Variants in ACSM3 observed in about 807,000 individuals in gnomAD.
ACSM3 encodes the protein acyl-coenzyme A synthetase ACSM3, mitochondrial.
In ACSM3, 61 loss-of-function variants were observed where a neutral mutation model predicts 74.1. The ratio of observed to expected loss-of-function variants is 0.82; its 90% CI spans 0.67 to 1.02. The LOEUF (loss-of-function observed/expected upper bound fraction) is 1.02, where lower values mean the gene tolerates loss of function less well. Among genes scored for constraint, ACSM3 ranks in the 50% least tolerant of loss-of-function variants. ACSM3 has a pLI of 0.00. For synonymous variants in ACSM3, 213 were observed against 241.5 expected (o/e 0.88, Z 1.09); for missense variants, 660 against 697.0 (o/e 0.95, Z 0.60).
chr16:20,675,043 T>G (rs1026444370), intron 1 of ACSM3, among the ~76,000 whole-genome samples: 5 of 152,120 alleles, frequency 3.3e-5, no homozygotes, highest in Non-Finnish European at 7.4e-5. Context: ...AGGAAGAGTT[T>G]GCTGGCAGAA....
At chr16:20,737,006 A>G in intron 1 of ACSM3, 1 of 1,613,990 alleles carries the variant, frequency 6.2e-7, no homozygotes, top group Non-Finnish European at 8.5e-7. Flanking sequence ...GCTCCTCAGT[A>G]TTCTCTGGTA....
At chr16:20,742,828 C>T (rs1427827124) in intron 1 of ACSM3, among the ~76,000 whole-genome samples, 8 of 135,632 alleles carry the variant, frequency 5.9e-5, no homozygotes, top group South Asian at 2.4e-4. Flanking sequence ...TTTTTTTTCC[C>T]TTCTCCCCTT....
At chr16:20,754,018 C>T (rs1310758649) in intron 2 of ACSM3, among the ~76,000 whole-genome samples, 2 of 152,122 alleles carry the variant, frequency 1.3e-5, no homozygotes, top group East Asian at 1.9e-4. Flanking sequence ...GTGTCAAGTC[C>T]ACAGTGGAAA....
intron 1 of ACSM3, among the ~76,000 whole-genome samples, chr16:20,723,731 G>GT (rs1567324684): frequency 6.6e-6 from 1 of 152,114 alleles, no homozygotes; most frequent in Non-Finnish European, 1.5e-5. Flanking sequence ...TGATGGGGTT[G>GT]TTTTTTTCTT....
chr16:20,694,210 G>A (rs1208702863), intron 1 of ACSM3, among the ~76,000 whole-genome samples: 1 of 152,158 alleles, frequency 6.6e-6, no homozygotes, highest in African/African-American at 2.4e-5. Context: ...GACAAATACA[G>A]AATGTGAGGT....
intron 1 of ACSM3, chr16:20,737,936 G>T: frequency 6.3e-7 from 1 of 1,596,198 alleles, no homozygotes; most frequent in South Asian, 1.2e-5. Context: ...TGGAGAATAT[G>T]ATGCACCAAT....
At chr16:20,777,629 C>T (rs2080271966) in intron 4 of ACSM3, 49 bp downstream of exon 4, 1 of 1,501,358 alleles carries the variant, frequency 6.7e-7, no homozygotes, top group East Asian at 2.3e-5. Flanking sequence ...GGAAAGGCAA[C>T]AATAAAAAGA....
intron 9 of ACSM3, among the ~76,000 whole-genome samples, chr16:20,787,508 C>G (rs1596532928): frequency 6.6e-6 from 1 of 152,080 alleles, no homozygotes; most frequent in South Asian, 2.1e-4. Context: ...ATTCTCAGGC[C>G]CCTGGAGAGA....
intron 3 of ACSM3, among the ~76,000 whole-genome samples, chr16:20,776,793 A>C (rs1049085460): frequency 6.6e-6 from 1 of 152,224 alleles, no homozygotes; most frequent in Non-Finnish European, 1.5e-5. Context: ...TTCATCTTAC[A>C]GTGTAATATA....
intron 1 of ACSM3, chr16:20,729,185 C>G: frequency 2.9e-6 from 2 of 700,846 alleles, no homozygotes; most frequent in East Asian, 5.4e-5. Flanking sequence ...ATACCCATTT[C>G]TGTTCTGACC....
chr16:20,747,644 C>T (rs540356101), intron 1 of ACSM3, among the ~76,000 whole-genome samples: 5 of 152,284 alleles, frequency 3.3e-5, no homozygotes, highest in South Asian at 4.1e-4. Flanking sequence ...CTAGATCATC[C>T]GCCTGCTTCT....
chr16:20,734,867 CAG>C (rs1176417230), intron 1 of ACSM3: 1 of 152,200 alleles, frequency 6.6e-6, no homozygotes, highest in Non-Finnish European at 1.5e-5. Flanking sequence ...TCTCTTCCTT[CAG>C]AGACAAAATT....
At chr16:20,772,967 CAA>C (rs200907446) in intron 2 of ACSM3, among the ~76,000 whole-genome samples, 28 of 81,326 alleles carry the variant, frequency 3.4e-4, no homozygotes, top group Admixed American at 4.0e-4. Context: ...GACTCCCTCT[CAA>C]AAAAAAAAAA....
At chr16:20,720,605 T>A (rs2079781829) in intron 1 of ACSM3, among the ~76,000 whole-genome samples, 1 of 152,222 alleles carries the variant, frequency 6.6e-6, no homozygotes, top group South Asian at 2.1e-4. Context: ...GTGTTGGGGA[T>A]CCCTAGTTTA....
chr16:20,737,881 C>A lies in ACSM3; in HGVS notation c.-189-12029C>A, dbSNP rs1364856574. On this transcript the variant is annotated intron_variant, in intron 1 of 3. Transcript: ENST00000561584. ...GCATGTGCCTGAGATGGGTAACATT[C>A]GCAAAATAACTCGAGTCTTCTTTTT... 1.9e-6 allele frequency: 3 copies of A among 1,613,584 alleles called. No homozygotes were observed. The highest frequency in any genetic ancestry group is 1.3e-5 in the African/African-American group (1 of 74,902).
chr16:20,717,087 C>A lies in ACSM3; in HGVS notation c.-189-32823C>A, dbSNP rs536040809. On this transcript the variant is annotated intron_variant, in intron 1 of 3. Coordinates refer to the ACSM3 transcript ENST00000561584. ...AAATTAACAGGGACCCAAATTTATT[C>A]ATCTTCCTAACGTGCTACCCTTGGT... 2.6e-5 allele frequency among the ~76,000 whole-genome samples: 4 copies of A among 152,312 alleles called. No homozygotes were observed. The East Asian group carries it at 7.7e-4, about 29-fold the overall frequency.
intron 7 of ACSM3, among the ~76,000 whole-genome samples, chr16:20,782,579 A>G (rs947768305): frequency 6.6e-6 from 1 of 152,150 alleles, no homozygotes; most frequent in Non-Finnish European, 1.5e-5. Flanking sequence ...TGAGTATCCT[A>G]TGATTTAATT....
intron 1 of ACSM3, chr16:20,727,388 C>T (rs1436489507): frequency 3.5e-6 from 2 of 577,040 alleles, no homozygotes; most frequent in African/African-American, 3.8e-5. Flanking sequence ...GAGGGGAGGC[C>T]CTCACCCCGG....
intron 1 of ACSM3, chr16:20,682,398 AC>A (rs781231700): frequency 6.1e-5 from 98 of 1,613,930 alleles, no homozygotes; most frequent in Non-Finnish European, 8.3e-5. Context: ...TTGGCTTTAG[AC>A]AACTGTAGTC....
Sources: gnomAD v4.1 joint callset for allele counts (sites outside exome capture counted in the v4.1 genomes callset) on GRCh38, gnomAD v4.1.1 for gene constraint, MANE v1.5 for transcripts, NCBI Gene and HGNC (gene_info 2026-07-23, HGNC 2026-07-21) for gene names.